The following ADAMTS17 variants were observed in gnomAD, a reference collection of about 807,000 sequenced individuals.
ADAMTS17 encodes the protein ADAM metallopeptidase with thrombospondin type 1 motif 17.
Under a neutral mutation model 141.5 loss-of-function variants are expected in ADAMTS17, and 113 were observed. The observed-to-expected ratio is 0.80, with a 90% CI of 0.69 to 0.93. The LOEUF is 0.93. Among genes scored for constraint, ADAMTS17 ranks in the 40% least tolerant of loss-of-function variants. The pLI, the probability that ADAMTS17 is intolerant of heterozygous loss-of-function variation, is 0.00. For missense variants in ADAMTS17, 1,659 were observed against 1,517.9 expected, an observed-to-expected ratio of 1.09 and a Z score of -1.54; for synonymous variants, 768 against 630.6, an observed-to-expected ratio of 1.22 and a Z score of -3.27.
At chr15:100,160,321 C>G (rs1249187926) in intron 8 of ADAMTS17, among the ~76,000 whole-genome samples, 1 of 152,228 alleles carries the variant, frequency 6.6e-6, no homozygotes, top group East Asian at 1.9e-4. Context: ...TAACCGTGCA[C>G]TTGGACAAGC....
At chr15:100,051,415 C>A (rs930623912) in intron 17 of ADAMTS17, among the ~76,000 whole-genome samples, 157 bp downstream of exon 17, 1 of 152,184 alleles carries the variant, frequency 6.6e-6, no homozygotes, top group Non-Finnish European at 1.5e-5. Context: ...AGACTCTGTC[C>A]AAGTATTCTG....
chr15:100,290,114 C>T (rs2044579667), intron 3 of ADAMTS17, among the ~76,000 whole-genome samples: 1 of 151,932 alleles, frequency 6.6e-6, no homozygotes, highest in Non-Finnish European at 1.5e-5. Flanking sequence ...ACTAGAAATC[C>T]CATAATCTCT....
At chr15:100,155,913 C>G (rs1037651434) in intron 8 of ADAMTS17, among the ~76,000 whole-genome samples, 3 of 152,198 alleles carry the variant, frequency 2.0e-5, no homozygotes, top group East Asian at 3.9e-4. Flanking sequence ...ACACTGTGAG[C>G]TGAACAGTGA....
intron 7 of ADAMTS17, among the ~76,000 whole-genome samples, chr15:100,224,336 A>G (rs1030384769): frequency 2.0e-5 from 3 of 152,118 alleles, no homozygotes; most frequent in African/African-American, 7.2e-5. Flanking sequence ...GTACAGATAT[A>G]CCAGGGAGGG....
chr15:100,043,225 T>C (rs2031405604), intron 18 of ADAMTS17, among the ~76,000 whole-genome samples: 2 of 152,180 alleles, frequency 1.3e-5, no homozygotes, highest in Admixed American at 1.3e-4. Context: ...CTGTCTACAG[T>C]CTCTAAGGCA....
At chr15:100,222,271 T>A (rs1167229757) in intron 7 of ADAMTS17, among the ~76,000 whole-genome samples, 3 of 152,070 alleles carry the variant, frequency 2.0e-5, no homozygotes, top group African/African-American at 7.2e-5. Context: ...TGCAGACAGT[T>A]CTCTGCCTTA....
intron 8 of ADAMTS17, among the ~76,000 whole-genome samples, chr15:100,191,578 G>A (rs1475606118): frequency 6.6e-6 from 1 of 152,230 alleles, no homozygotes; most frequent in Non-Finnish European, 1.5e-5. Context: ...CATCAATGAT[G>A]AGACTCCAAG....
chr15:100,119,602 C>G (rs566268116), intron 12 of ADAMTS17, among the ~76,000 whole-genome samples: 8 of 152,322 alleles, frequency 5.3e-5, no homozygotes, highest in African/African-American at 1.9e-4. Flanking sequence ...CAACAATTAC[C>G]TTCACCTCTG....
intron 8 of ADAMTS17, among the ~76,000 whole-genome samples, chr15:100,165,398 T>G (rs940340506): frequency 3.3e-5 from 5 of 152,134 alleles, no homozygotes; most frequent in African/African-American, 1.2e-4. Flanking sequence ...CTCCCCCCAA[T>G]GCCTCCTGGG....
chr15:100,041,313 A>G (rs2031233312), intron 18 of ADAMTS17, among the ~76,000 whole-genome samples: 1 of 152,256 alleles, frequency 6.6e-6, no homozygotes, highest in South Asian at 2.1e-4. Context: ...GAAGAAGTTC[A>G]AATCATAAAT....
At chr15:100,225,786 C>A (rs1302434955) in intron 7 of ADAMTS17, among the ~76,000 whole-genome samples, 1 of 149,418 alleles carries the variant, frequency 6.7e-6, no homozygotes, top group Non-Finnish European at 1.5e-5. Context: ...GTCCTTACAG[C>A]AGTCACGGCC....
At chr15:100,022,393 A>C (rs1427580082) in intron 18 of ADAMTS17, among the ~76,000 whole-genome samples, 1 of 152,222 alleles carries the variant, frequency 6.6e-6, no homozygotes, top group African/African-American at 2.4e-5. Flanking sequence ...GAAAGTTCGT[A>C]TTAATGTTGC....
intron 18 of ADAMTS17, among the ~76,000 whole-genome samples, chr15:100,047,832 G>A (rs952063201): frequency 2.0e-5 from 3 of 152,140 alleles, no homozygotes; most frequent in South Asian, 2.1e-4. Context: ...CGATAGGTTC[G>A]TGGTACAGCT....
At chr15:100,174,750 C>T (rs1011597179) in intron 8 of ADAMTS17, among the ~76,000 whole-genome samples, 1 of 152,158 alleles carries the variant, frequency 6.6e-6, no homozygotes, top group East Asian at 1.9e-4. Context: ...TGGCTCAAAG[C>T]AACGTTCATG....
chr15:100,313,820 T>C (rs532865253), intron 3 of ADAMTS17, among the ~76,000 whole-genome samples: 10 of 132,896 alleles, frequency 7.5e-5, no homozygotes, highest in African/African-American at 2.8e-4. Context: ...TGAAGAAACG[T>C]CAGACAAAAC....
chr15:100,146,504 C>T (rs1399423096), intron 10 of ADAMTS17, among the ~76,000 whole-genome samples: 5 of 152,158 alleles, frequency 3.3e-5, no homozygotes, highest in South Asian at 2.1e-4. Flanking sequence ...AGATGTATGT[C>T]GTCTCAGGAC....
At chr15:100,180,439 A>T (rs751036027) in intron 8 of ADAMTS17, among the ~76,000 whole-genome samples, 17 of 152,208 alleles carry the variant, frequency 1.1e-4, no homozygotes, top group Admixed American at 3.9e-4. Flanking sequence ...GTATAATCTG[A>T]AGTCAGGTAA....
At chr15:100,201,062 T>C (rs1484493195) in intron 7 of ADAMTS17, among the ~76,000 whole-genome samples, 2 of 152,214 alleles carry the variant, frequency 1.3e-5, no homozygotes, top group Non-Finnish European at 2.9e-5. Context: ...CCCTCCTTCC[T>C]GCCCCCAAAG....
chr15:100,316,288 C>T (rs1187573469), intron 3 of ADAMTS17, among the ~76,000 whole-genome samples: 6 of 152,150 alleles, frequency 3.9e-5, no homozygotes, highest in South Asian at 2.1e-4. Context: ...AAGCATGTGA[C>T]GCTGGCCTTT....
Sources: allele counts gnomAD v4.1 joint callset (sites outside exome capture counted in the v4.1 genomes callset), GRCh38; gene constraint gnomAD v4.1.1; transcripts MANE v1.5; gene names NCBI Gene and HGNC (gene_info 2026-07-23, HGNC 2026-07-21).